The following CEP128 variants were observed in gnomAD, a reference collection of about 807,000 sequenced individuals.
The protein encoded by CEP128 is centrosomal protein 128kDa.
In CEP128, 132 loss-of-function variants were observed where a neutral mutation model predicts 156.7. That is an observed-to-expected ratio of 0.84 (90% CI 0.73 to 0.97). The LOEUF (loss-of-function observed/expected upper bound fraction) is 0.97. Ranked by LOEUF, CEP128 falls within the 50% of genes least tolerant of loss-of-function variation. The pLI, the probability that CEP128 is intolerant of heterozygous loss-of-function variation, is 0.00. For synonymous variants in CEP128, 469 were observed against 448.9 expected (o/e 1.04, Z -0.57); for missense variants, 1,252 against 1,281.9 (o/e 0.98, Z 0.36).
intron 19 of CEP128, among the ~76,000 whole-genome samples, chr14:80,692,580 C>T (rs1445866691): frequency 6.6e-6 from 1 of 152,190 alleles, no homozygotes; most frequent in Non-Finnish European, 1.5e-5. Flanking sequence ...TCCATTATAT[C>T]TCCTTAGTCA....
chr14:80,674,528 A>G (rs1481355616), intron 19 of CEP128, among the ~76,000 whole-genome samples: 2 of 152,158 alleles, frequency 1.3e-5, no homozygotes, highest in African/African-American at 4.8e-5. Context: ...GAAAATGTGT[A>G]AGGGATTAAT....
At chr14:80,900,928 C>T (rs2139423081) in intron 6 of CEP128, among the ~76,000 whole-genome samples, 1 of 151,882 alleles carries the variant, frequency 6.6e-6, no homozygotes, top group African/African-American at 2.4e-5. Context: ...TTGGGGTGGC[C>T]GGGCGCGGTG....
chr14:80,898,131 T>A (rs1889434478), intron 7 of CEP128, among the ~76,000 whole-genome samples: 1 of 152,220 alleles, frequency 6.6e-6, no homozygotes, highest in African/African-American at 2.4e-5. Flanking sequence ...GAATTAAACT[T>A]TACTTAATCC....
chr14:80,723,382 A>T (rs1450505621), intron 19 of CEP128, among the ~76,000 whole-genome samples: 2 of 152,168 alleles, frequency 1.3e-5, no homozygotes, highest in South Asian at 4.1e-4. Flanking sequence ...CCTTTAAAGA[A>T]CTCACATTCT....
chr14:80,824,848 T>G (rs1239664132), intron 13 of CEP128, among the ~76,000 whole-genome samples: 1 of 152,212 alleles, frequency 6.6e-6, no homozygotes, highest in Non-Finnish European at 1.5e-5. Context: ...TTTTTGTGTA[T>G]CTATAGCAGC....
chr14:80,946,743 G>A (rs898921278), intron 2 of CEP128, among the ~76,000 whole-genome samples: 15 of 152,100 alleles, frequency 9.9e-5, no homozygotes, highest in Admixed American at 3.9e-4. Flanking sequence ...GACAGAAGTT[G>A]TATTTCACCA....
At chr14:80,744,978 T>C (rs1360443030) in intron 18 of CEP128, among the ~76,000 whole-genome samples, 3 of 152,134 alleles carry the variant, frequency 2.0e-5, no homozygotes, top group Non-Finnish European at 4.4e-5. Context: ...CTCGAGAAAA[T>C]ACTAGCAAAC....
At chr14:80,498,912 C>G (rs1213821960) in intron 24 of CEP128, among the ~76,000 whole-genome samples, 4 of 152,178 alleles carry the variant, frequency 2.6e-5, no homozygotes, top group Middle Eastern at 3.2e-3. Context: ...GATTTTCTAG[C>G]TGGTTTCTGG....
chr14:80,584,446 C>A (rs933599012), intron 19 of CEP128, among the ~76,000 whole-genome samples: 1 of 152,028 alleles, frequency 6.6e-6, no homozygotes. Flanking sequence ...GCCTCTGGCC[C>A]ATCCATATTT....
chr14:80,778,665 A>T (rs925667929), intron 15 of CEP128, among the ~76,000 whole-genome samples: 1 of 152,232 alleles, frequency 6.6e-6, no homozygotes, highest in Admixed American at 6.5e-5. Context: ...CAACATCAGT[A>T]GTGTAGTACA....
intron 11 of CEP128, among the ~76,000 whole-genome samples, chr14:80,837,022 T>C (rs1361639551): frequency 3.9e-5 from 6 of 152,180 alleles, no homozygotes; most frequent in Non-Finnish European, 2.9e-5. Context: ...TAAATACAAA[T>C]ATAAACTTCC....
At chr14:80,808,935 A>G (rs1265624149) in intron 13 of CEP128, among the ~76,000 whole-genome samples, 2 of 152,244 alleles carry the variant, frequency 1.3e-5, no homozygotes, top group Non-Finnish European at 1.5e-5. Context: ...ACAGATATCA[A>G]TGTAAGAATG....
intron 19 of CEP128, among the ~76,000 whole-genome samples, chr14:80,606,609 C>T (rs761117233): frequency 7.2e-5 from 11 of 152,074 alleles, no homozygotes; most frequent in Non-Finnish European, 8.8e-5. Context: ...AAGGAAAATG[C>T]TCATTGTTTA....
At chr14:80,948,212 ACAT>A (rs1270761340) in intron 2 of CEP128, among the ~76,000 whole-genome samples, 11 of 152,194 alleles carry the variant, frequency 7.2e-5, no homozygotes, top group African/African-American at 2.7e-4. Context: ...GACTTTTTCT[ACAT>A]CAAGTTTGCA....
chr14:80,534,554 G>C (rs1889388963), intron 21 of CEP128, among the ~76,000 whole-genome samples: 1 of 152,208 alleles, frequency 6.6e-6, no homozygotes, highest in African/African-American at 2.4e-5. Context: ...GGCCGGACGT[G>C]GTGGCTCACG....
intron 13 of CEP128, among the ~76,000 whole-genome samples, chr14:80,814,172 C>T (rs961459356): frequency 6.6e-6 from 1 of 152,086 alleles, no homozygotes; most frequent in African/African-American, 2.4e-5. Flanking sequence ...ATTCATTTTA[C>T]CTGGGGTTCT....
chr14:80,810,323 CAAAAAAAAAAAAAAA>C (rs71103883), intron 13 of CEP128, among the ~76,000 whole-genome samples: 1 of 15,192 alleles, frequency 6.6e-5, no homozygotes, highest in South Asian at 2.5e-3. Flanking sequence ...ACTCCATCTC[CAAAAAAAAAAAAAAA>C]AAAAAAAAAA....
At chr14:80,736,252 G>A (rs1204599723) in intron 19 of CEP128, among the ~76,000 whole-genome samples, 1 of 87,602 alleles carries the variant, frequency 1.1e-5, no homozygotes, top group East Asian at 3.7e-4. Flanking sequence ...TCTAATATAA[G>A]GTTTTAAAAA....
downstream of CEP128, among the ~76,000 whole-genome samples, chr14:80,493,279 T>C (rs1324878005): frequency 2.0e-5 from 3 of 152,194 alleles, no homozygotes; most frequent in Non-Finnish European, 4.4e-5. Context: ...TTGCAAGTTA[T>C]CCTTGTAAGT....
Sources: gnomAD v4.1 joint callset for allele counts (sites outside exome capture counted in the v4.1 genomes callset) on GRCh38, gnomAD v4.1.1 for gene constraint, MANE v1.5 for transcripts, NCBI Gene and HGNC (gene_info 2026-07-23, HGNC 2026-07-21) for gene names.